The following COG7 variants were observed in gnomAD, a reference collection of about 807,000 sequenced individuals.
The protein encoded by COG7 is component of oligomeric golgi complex 7, also known as conserved oligomeric Golgi complex subunit 7.
Under a neutral mutation model 91.5 loss-of-function variants are expected in COG7, and 49 were observed. That is an observed-to-expected ratio of 0.54 (90% confidence interval 0.43 to 0.68). The LOEUF (loss-of-function observed/expected upper bound fraction) is 0.68. COG7 is among the 30% of genes least tolerant of loss of function. The pLI, the probability that COG7 is intolerant of heterozygous loss-of-function variation, is 0.00. For missense variants in COG7, 895 were observed against 961.3 expected, an observed-to-expected ratio of 0.93 and a Z score of 0.91; for synonymous variants, 365 against 388.7, an observed-to-expected ratio of 0.94 and a Z score of 0.72.
chr16:23,448,512 G>C (rs560285976), intron 1 of COG7, among the ~76,000 whole-genome samples: 15 of 152,158 alleles, frequency 9.9e-5, no homozygotes, highest in South Asian at 2.1e-4. Flanking sequence ...TGTCTAGGCT[G>C]GTCTGGAACT....
Position 23,393,315 on chromosome 16 carries a change from A to G in COG7, c.1920T>C (p.Asn640=), listed in dbSNP as rs1333336732. 2.1e-5 allele frequency: 34 copies of G among 1,614,028 alleles called. 1 individual carries two copies. Among genetic ancestry groups the G allele is most frequent in the Non-Finnish European group, 2.8e-5 (33 of 1,180,000 alleles). Residue 640 remains asparagine, a synonymous_variant, in exon 15 of 17, where the codon AAT becomes AAC. Coordinates refer to ENST00000307149, the MANE Select transcript of COG7 (RefSeq NM_153603.4). ...IGQYIMSLPL[N]LEPFVTQEDS... The stretch of plus-strand genomic sequence containing the variant: ...CCTCCTGAGTCACAAATGGCTCAAG[A>G]TTCAGGGGGAGGGACATGATGTACT...
intron 2 of COG7, 128 bp downstream of exon 2, chr16:23,445,685 C>T: frequency 1.1e-6 from 1 of 941,772 alleles, no homozygotes; most frequent in Non-Finnish European, 1.7e-6. Flanking sequence ...AGCTGGAGTG[C>T]TGGGCAGAAT....
chr16:23,406,716 G>A (rs907260074), intron 11 of COG7, among the ~76,000 whole-genome samples: 3 of 152,206 alleles, frequency 2.0e-5, no homozygotes, highest in South Asian at 2.1e-4. Context: ...ACAGCAGCTC[G>A]CTGCACGCCT....
Position 23,433,586 on chromosome 16 carries a change from A to C in COG7, c.769T>G (p.Leu257Val). 1 of 1,614,052 alleles carries C rather than the reference A, an allele frequency of 6.2e-7. No homozygotes were observed. Among genetic ancestry groups the C allele is most frequent in the Non-Finnish European group, 8.5e-7 (1 of 1,179,968 alleles). Residue 257 changes from leucine to valine, a missense_variant, in exon 6 of 17, where the codon TTG (leucine) becomes GTG (valine). Leu to Val is a conservative substitution (Grantham distance 32). Coordinates refer to ENST00000307149, the MANE Select transcript of COG7 (RefSeq NM_153603.4). ...ATTTGTGTGTGCCAAGCACCAAGCAAGGCATCATAGAGTCCGGTAAGCTGC... is the reference window on the plus strand; with the variant it reads ...ATTTGTGTGTGCCAAGCACCAAGCACGGCATCATAGAGTCCGGTAAGCTGC... ...DRQLTGLYDA[L>V]LGAWHTQIQW...
Position 23,442,573 on chromosome 16 carries a change from A to G in COG7, c.508T>C (p.Tyr170His). 2 of 1,614,104 alleles carry G rather than the reference A, an allele frequency of 1.2e-6. No individual in the cohort carries two copies. Among genetic ancestry groups the G allele is most frequent in the Non-Finnish European group, 1.7e-6 (2 of 1,179,944 alleles). Reference protein sequence around the residue: ...SLMMLVDTPDYSEKCVHLEAL... With the variant: ...SLMMLVDTPDHSEKCVHLEAL... ...TCCAAGTGCACACACTTTTCTGAGTAGTCTGGTGTATCAACAAGCATCATT... is the reference window on the plus strand; with the variant it reads ...TCCAAGTGCACACACTTTTCTGAGTGGTCTGGTGTATCAACAAGCATCATT... The change falls in exon 4 of 17, where the codon TAC becomes CAC. Residue 170 changes from tyrosine to histidine, a missense_variant. Tyr to His is a moderately conservative substitution (Grantham distance 83). Transcript: ENST00000307149.
intron 7 of COG7, among the ~76,000 whole-genome samples, chr16:23,420,948 A>G (rs1463716490): frequency 4.2e-5 from 5 of 118,740 alleles, no homozygotes; most frequent in African/African-American, 1.4e-4. Flanking sequence ...GAGATGGGGT[A>G]TATGTTTCCA....
rs368733148 is a variant in COG7, at chr16:23,388,963, C to T, written c.2270G>A (p.Arg757His). The T allele has an allele frequency of 1.1e-5, 18 of 1,613,812 alleles. No homozygotes were observed. In the Admixed American group the frequency reaches 1.2e-4, roughly 10 times the overall value. Residue 757 changes from arginine (R) to histidine (H), a missense_variant, in exon 17 of 17, where the codon CGC becomes CAC. By Grantham distance (29) the Arg-to-His change is conservative. Coordinates refer to ENST00000307149, the MANE Select transcript of COG7 (RefSeq NM_153603.4). ...CATGGTGGCCACGGTGGTGGCCAGG[C>T]GACGGGGCAGGCCTTTGCTGACCTG... ...YRQVSKGLPRRLATTVATMRS... is the reference protein window; with the variant it reads ...YRQVSKGLPRHLATTVATMRS...
At chr16:23,414,835 G>A (rs1168121232) in intron 9 of COG7, 2 of 151,960 alleles carry the variant, frequency 1.3e-5, no homozygotes, top group Non-Finnish European at 2.9e-5. Flanking sequence ...ATAAAGGAGG[G>A]AGTCATGTCC....
At chr16:23,393,817 G>T (rs1450631208) in intron 14 of COG7, among the ~76,000 whole-genome samples, 1 of 152,050 alleles carries the variant, frequency 6.6e-6, no homozygotes, top group Non-Finnish European at 1.5e-5. Flanking sequence ...CGAGGCGGAT[G>T]GATCTCCTGA....
intron 9 of COG7, 106 bp from the exon 10 acceptor site, chr16:23,413,670 G>A: frequency 1.3e-6 from 1 of 771,714 alleles, no homozygotes; most frequent in Admixed American, 1.8e-5. Context: ...GGCCTTGAGA[G>A]CATCTTTAGA....
At chr16:23,411,327 C>T (rs1238182772) in intron 10 of COG7, among the ~76,000 whole-genome samples, 2 of 152,192 alleles carry the variant, frequency 1.3e-5, no homozygotes, top group African/African-American at 4.8e-5. Context: ...TTAACCTTCT[C>T]TAAAAGTGCG....
chr16:23,436,341 T>G (rs1268449466), intron 4 of COG7, among the ~76,000 whole-genome samples: 2 of 152,206 alleles, frequency 1.3e-5, no homozygotes, highest in Non-Finnish European at 2.9e-5. Context: ...TAAAATGAAC[T>G]GGGCATGTAT....
chr16:23,435,541 C>A (rs1964000401), intron 4 of COG7, among the ~76,000 whole-genome samples: 2 of 152,180 alleles, frequency 1.3e-5, no homozygotes, highest in Admixed American at 1.3e-4. Context: ...CTTCCAGGCT[C>A]ACCGCTGGAC....
At chr16:23,409,989 C>G (rs1017623822) in intron 11 of COG7, among the ~76,000 whole-genome samples, 2 of 152,216 alleles carry the variant, frequency 1.3e-5, no homozygotes, top group African/African-American at 4.8e-5. Context: ...TATAAACAAG[C>G]AGTCGGAACC....
chr16:23,436,698 C>T (rs1311192294), intron 4 of COG7, among the ~76,000 whole-genome samples: 2 of 152,106 alleles, frequency 1.3e-5, no homozygotes, highest in Non-Finnish European at 2.9e-5. Context: ...TGCAGTCCAG[C>T]CTGGGCAACA....
Position 23,452,911 on chromosome 16 carries a change from C to G in COG7, c.84G>C (p.Ala28=). 6.2e-7 allele frequency: 1 copy of G among 1,614,100 alleles called. No individual in the cohort carries two copies. The change falls in exon 1 of 17, where the codon GCG becomes GCC. Residue 28 remains alanine (A), a synonymous_variant. Coordinates refer to ENST00000307149, the MANE Select transcript of COG7 (RefSeq NM_153603.4). ...NAAFRAGSKE[A]ASGKADGHAA... ...CGTGGCCATCCGCCTTCCCGGACGCCGCCTCCTTGGAGCCGGCCCTGAAGG... is the reference window on the plus strand; with the variant it reads ...CGTGGCCATCCGCCTTCCCGGACGCGGCCTCCTTGGAGCCGGCCCTGAAGG...
intron 11 of COG7, among the ~76,000 whole-genome samples, chr16:23,406,589 T>A (rs188647941): frequency 1.2e-3 from 184 of 152,332 alleles, no homozygotes; most frequent in African/African-American, 4.3e-3. Context: ...ATGGAGACTT[T>A]TCTTGCTATA....
chr16:23,443,786 G>T (rs891849784), intron 3 of COG7, among the ~76,000 whole-genome samples: 1 of 152,122 alleles, frequency 6.6e-6, no homozygotes, highest in African/African-American at 2.4e-5. Context: ...AAGGGGCAGG[G>T]AACATAAATA....
chr16:23,401,169 G>A (rs1010841822), intron 13 of COG7, among the ~76,000 whole-genome samples: 15 of 152,090 alleles, frequency 9.9e-5, no homozygotes, highest in African/African-American at 1.2e-4. Flanking sequence ...TTGTAGTCTC[G>A]GAATATAAAA....
Sources: allele counts gnomAD v4.1 joint callset (sites outside exome capture counted in the v4.1 genomes callset), GRCh38; gene constraint gnomAD v4.1.1; transcripts MANE v1.5; gene names NCBI Gene and HGNC (gene_info 2026-07-23, HGNC 2026-07-21).